Variants in COL18A1 observed in about 807,000 individuals in gnomAD.
The protein encoded by COL18A1 is collagen type XVIII alpha 1 chain, also known as collagen alpha-1(XVIII) chain.
In COL18A1, 133 loss-of-function variants were observed where a neutral mutation model predicts 168.0. That is an observed-to-expected ratio of 0.79 (90% CI 0.69 to 0.91). COL18A1 has a LOEUF of 0.91. Among genes scored for constraint, COL18A1 ranks in the 40% least tolerant of loss-of-function variants. COL18A1 has a pLI of 0.00. For synonymous variants in COL18A1, 949 were observed against 809.0 expected (o/e 1.17, Z -2.94); for missense variants, 2,126 against 1,925.4 (o/e 1.10, Z -1.95).
rs74508045 is a variant in COL18A1 at position 45,476,950 on chromosome 21, T to G, written c.929-461T>G. ...GTGTGTGTGTGTGTGTGTGTGTGTG[T>G]GGCAGGTGGGGAGATGCCGAGGCCC... On this transcript the variant is annotated intron_variant, in intron 6 of 41. Coordinates refer to ENST00000651438, the MANE Select transcript of COL18A1 (RefSeq NM_001379500.1). Among the ~76,000 whole-genome samples the G allele has an allele frequency of 4.5e-3, 681 of 150,222 alleles. 4 individuals carry two copies. The highest frequency in any genetic ancestry group is 0.015 in the African/African-American group (593 of 40,658).
intron 24 of COL18A1, 129 bp downstream of exon 24, chr21:45,492,842 C>G (rs2036401145): frequency 1.2e-6 from 1 of 801,388 alleles, no homozygotes; most frequent in Admixed American, 1.9e-5. Context: ...GTCACTGCCC[C>G]CAAGGAAATG....
In COL18A1 at chr21:45,487,513, GTGT is replaced by G. The variant is rs757614011; in HGVS notation, c.1896+8_1896+10del. The G allele has an allele frequency of 4.3e-6, 7 of 1,612,776 alleles. No homozygotes were observed. In the African/African-American group the frequency reaches 6.7e-5, roughly 15 times the overall value. ...CCGAAGCGCTGATGGGCCACAGGTAGTGTTGTGAGCTGGGCGTGGCCGGCTCTG... is the reference window on the plus strand; with the variant it reads ...CCGAAGCGCTGATGGGCCACAGGTAGTGTGAGCTGGGCGTGGCCGGCTCTG... On this transcript the variant is annotated splice_donor_5th_base_variant and intron_variant, in intron 17 of 41. Coordinates refer to ENST00000651438, the MANE Select transcript of COL18A1 (RefSeq NM_001379500.1).
intron 21 of COL18A1, 56 bp downstream of exon 21, chr21:45,490,927 G>A (rs1049927559): frequency 6.6e-7 from 1 of 1,514,830 alleles, no homozygotes; most frequent in Non-Finnish European, 9.0e-7. Context: ...CATCCCAGAA[G>A]GTTTGGCCTC....
intron 2 of COL18A1, among the ~76,000 whole-genome samples, chr21:45,430,881 G>A (rs989893986): frequency 2.6e-5 from 4 of 152,222 alleles, no homozygotes; most frequent in Admixed American, 1.3e-4. Flanking sequence ...GTCAGCTCGG[G>A]AGCAAGGCGG....
intron 37 of COL18A1, chr21:45,507,099 C>T (rs12482195): frequency 0.64 from 193,328 of 302,852 alleles, 61,675 homozygotes; most frequent in African/African-American, 0.77. Flanking sequence ...GGCAACCTGC[C>T]GTGGACTGGG....
intron 18 of COL18A1, 97 bp from the exon 19 acceptor site, chr21:45,489,389 T>G (rs1426707739): frequency 1.4e-5 from 13 of 908,912 alleles, no homozygotes; most frequent in Admixed American, 1.4e-4. Flanking sequence ...GTGAGATGCA[T>G]CCTGGGTAAC....
chr21:45,434,457 G>A (rs1471156251), intron 2 of COL18A1, among the ~76,000 whole-genome samples: 1 of 152,188 alleles, frequency 6.6e-6, no homozygotes, highest in Non-Finnish European at 1.5e-5. Context: ...CTCTCTCCGG[G>A]GGGGTTTGCA....
At chr21:45,509,219 C>G (rs768010450) in intron 38 of COL18A1, 137 bp from the exon 39 acceptor site, 74 of 1,225,576 alleles carry the variant, frequency 6.0e-5, no homozygotes, top group Non-Finnish European at 7.7e-5. Context: ...CCAGGGCAGC[C>G]CCAGAGTCGG....
At chr21:45,467,655 C>T (rs60346787) in intron 2 of COL18A1, among the ~76,000 whole-genome samples, 4,449 of 152,318 alleles carry the variant, frequency 0.029, 233 homozygotes, top group African/African-American at 0.1. Context: ...TCGAAGAACA[C>T]TGGGGTGTGG....
At chr21:45,501,252 T>C (rs373477824) in intron 32 of COL18A1, among the ~76,000 whole-genome samples, 15 of 152,148 alleles carry the variant, frequency 9.9e-5, no homozygotes, top group African/African-American at 3.1e-4. Context: ...CCTCAAGATA[T>C]GACAAGTGAA....
chr21:45,509,973 C>T, intron 39 of COL18A1, 91 bp from the exon 40 acceptor site: 1 of 1,431,076 alleles, frequency 7.0e-7, no homozygotes, highest in Non-Finnish European at 9.4e-7. Context: ...CGTGCCTGTC[C>T]ACACAGGTGC....
intron 40 of COL18A1, 119 bp downstream of exon 40, chr21:45,510,380 G>A (rs1473546944): frequency 8.3e-7 from 1 of 1,201,062 alleles, no homozygotes; most frequent in Non-Finnish European, 1.2e-6. Context: ...ACAGACACTG[G>A]CGCCTAGGCT....
intron 15 of COL18A1, among the ~76,000 whole-genome samples, chr21:45,483,235 C>T (rs1045329153): frequency 3.9e-5 from 6 of 152,016 alleles, no homozygotes; most frequent in Admixed American, 2.6e-4. Context: ...GGCCCCCCAA[C>T]ATCCCCCCAT....
rs1222545172 is a variant in COL18A1, at chr21:45,512,186, A to AG, written c.3810dup. The AG allele has an allele frequency of 6.2e-7, 1 of 1,611,432 alleles. No homozygotes were observed. Among genetic ancestry groups the AG allele is most frequent in the Non-Finnish European group, 8.5e-7 (1 of 1,179,278 alleles). On this transcript the variant is annotated splice_acceptor_variant, in intron 41 of 41. Transcript: ENST00000651438. LOFTEE classifies it high-confidence loss of function. Reference sequence around the variant, plus strand: ...TGACTGACGGCCCGGCGCGTCTTACAGGCCCCAGAAGAGCGTGTGGCATGG... The same window carrying AG: ...TGACTGACGGCCCGGCGCGTCTTACAGGGCCCCAGAAGAGCGTGTGGCATGG...
chr21:45,430,552 C>T (rs937738206), intron 2 of COL18A1, among the ~76,000 whole-genome samples: 1 of 152,120 alleles, frequency 6.6e-6, no homozygotes, highest in African/African-American at 2.4e-5. Flanking sequence ...GGCATCCACT[C>T]TGGGCAGGTT....
At chr21:45,477,509 C>T in intron 7 of COL18A1, 22 bp downstream of exon 7, 2 of 1,591,962 alleles carry the variant, frequency 1.3e-6, no homozygotes, top group Non-Finnish European at 1.7e-6. Flanking sequence ...TCCCTGTGCT[C>T]CTGAACCATT....
chr21:45,433,049 G>C (rs1291199773), intron 2 of COL18A1, among the ~76,000 whole-genome samples: 1 of 152,230 alleles, frequency 6.6e-6, no homozygotes, highest in Non-Finnish European at 1.5e-5. Context: ...AGTGTACACA[G>C]ATGTTAATCC....
chr21:45,414,106 C>T (rs996300260), intron 2 of COL18A1, among the ~76,000 whole-genome samples: 6 of 152,198 alleles, frequency 3.9e-5, no homozygotes, highest in African/African-American at 1.4e-4. Context: ...GTATTGGATG[C>T]ACCGCCTGGC....
At position 45,457,585 on chromosome 21, in the gene COL18A1, C is replaced by G. The variant is rs1196333084; in HGVS notation, c.107-10657C>G. On this transcript the variant is annotated intron_variant, in intron 2 of 41. Coordinates refer to ENST00000651438, the MANE Select transcript of COL18A1 (RefSeq NM_001379500.1). This position sits in a 1 kb window ranked among gnomAD's most constrained non-coding sequence, Gnocchi z 4.6. ...AGGAGGGAAAGGGGGACTCTTTAACCTCCTGGGGGCAGGGGCAGCCCAGAA... is the reference window on the plus strand; with the variant it reads ...AGGAGGGAAAGGGGGACTCTTTAACGTCCTGGGGGCAGGGGCAGCCCAGAA... 6.6e-6 allele frequency among the ~76,000 whole-genome samples: 1 copy of G among 152,194 alleles called. No homozygotes were observed. The highest frequency in any genetic ancestry group is 6.5e-5 in the Admixed American group (1 of 15,288).
Sources: gnomAD v4.1 joint callset for allele counts (sites outside exome capture counted in the v4.1 genomes callset) on GRCh38, gnomAD v4.1.1 for gene constraint, Gnocchi (gnomAD v3.1) non-coding constraint, MANE v1.5 for transcripts, NCBI Gene and HGNC (gene_info 2026-07-23, HGNC 2026-07-21) for gene names.